Variants in SYAP1 observed in about 807,000 individuals in gnomAD.
SYAP1 encodes synapse-associated protein 1.
In SYAP1, 3 loss-of-function variants were observed where a neutral mutation model predicts 29.6. That is an observed-to-expected ratio of 0.10 (90% CI 0.05 to 0.26). The LOEUF (loss-of-function observed/expected upper bound fraction) is 0.26. Ranked by LOEUF, SYAP1 falls within the 10% of genes least tolerant of loss-of-function variation. The pLI is 1.00. For synonymous variants in SYAP1, 102 were observed against 102.7 expected (o/e 0.99, Z 0.04); for missense variants, 217 against 264.1 (o/e 0.82, Z 1.24).
Position 16,760,147 on chromosome X carries a change from C to T in SYAP1, c.932-85C>T, listed in dbSNP as rs752875599. On this transcript the variant is annotated intron_variant, in intron 8 of 8. Coordinates refer to ENST00000380155, the MANE Select transcript of SYAP1 (RefSeq NM_032796.4). ...AAAAATTACAGCAGCTAGGACTTTA[C>T]GTAGGTAATTGAGATGGACCGAATT... is the stretch of plus-strand genomic sequence containing the variant. The T allele has an allele frequency of 3.5e-5, 34 of 960,178 alleles. 2 individuals are homozygous for T. In the South Asian group the frequency reaches 4.5e-4, roughly 13 times the overall value. The allele number at this position is 960,178 out of a possible 1,213,427, so 79.1% of individuals were successfully genotyped here. A position where few individuals can be genotyped will look rare whatever the true frequency, so the allele number is the denominator to read the frequency against.
intron 5 of SYAP1, among the ~76,000 whole-genome samples, chrX:16,750,989 A>G (rs1926717486): frequency 9.4e-6 from 1 of 106,805 alleles, no homozygotes. Context: ...CTGGTCTCGA[A>G]CTCCTGACCT....
chrX:16,749,643 C>T (rs577766376), intron 5 of SYAP1, among the ~76,000 whole-genome samples: 6 of 110,988 alleles, frequency 5.4e-5, no homozygotes, highest in South Asian at 3.8e-4. Flanking sequence ...AGGCCAGGCG[C>T]GGTGGCTCAC....
chrX:16,755,411 C>T (rs1368257772), intron 6 of SYAP1, among the ~76,000 whole-genome samples: 1 of 110,079 alleles, frequency 9.1e-6, no homozygotes, highest in Non-Finnish European at 1.9e-5. Flanking sequence ...CCTGCCTCAG[C>T]TTCCCAAGTA....
intron 3 of SYAP1, among the ~76,000 whole-genome samples, chrX:16,739,252 C>A (rs996419201): frequency 1.1e-4 from 12 of 110,818 alleles, no homozygotes; most frequent in African/African-American, 3.9e-4. Context: ...TTGGGATAAG[C>A]CAAAGAATGA....
intron 5 of SYAP1, among the ~76,000 whole-genome samples, chrX:16,751,700 C>T (rs1197387416): frequency 1.1e-5 from 1 of 92,737 alleles, no homozygotes; most frequent in East Asian, 3.4e-4. Flanking sequence ...TTTTTTGATA[C>T]GGAGTTTCGC....
intron 1 of SYAP1, among the ~76,000 whole-genome samples, chrX:16,727,258 T>A (rs187573209): frequency 1.8e-3 from 177 of 96,020 alleles, no homozygotes; most frequent in African/African-American, 6.9e-3. Flanking sequence ...AAAATTTTTT[T>A]ATTTAATATA....
Position 16,755,014 on chromosome X carries a change from C to G in SYAP1, c.645C>G (p.Leu215=). The G allele has an allele frequency of 8.3e-7, 1 of 1,211,041 alleles. No homozygotes were observed. The highest frequency in any genetic ancestry group is 1.1e-6 in the Non-Finnish European group (1 of 894,760). The part of the protein sequence containing the change: ...RVSLIKQSAQ[L]TALAAQQQAA... ...CCCTGATTAAGCAGTCAGCCCAGCT[C>G]ACGGCCCTGGCTGCCCAACAGCAGG... The change falls in exon 6 of 9, where the codon CTC becomes CTG. Residue 215 remains leucine (L), a synonymous_variant. Transcript: ENST00000380155.
chrX:16,763,700 A>G lies in SYAP1; in HGVS notation c.*3341A>G, dbSNP rs1927033518. 1 of 111,168 alleles carries G rather than the reference A, an allele frequency of 9.0e-6. No individual in the cohort carries two copies. The highest frequency in any genetic ancestry group is 3.3e-5 in the African/African-American group (1 of 30,597). 9.2% of individuals were successfully genotyped at this position (111,168 alleles called of 1,213,427 possible). ...TAGAGAAACATTGTTTCAGAGATAA[A>G]GCAGCAATTACACTTGTACTCCCAG... On this transcript the variant is annotated 3_prime_UTR_variant, in exon 9 of 9. Coordinates refer to ENST00000380155, the MANE Select transcript of SYAP1 (RefSeq NM_032796.4).
chrX:16,756,418 C>A (rs1926842135), intron 6 of SYAP1, among the ~76,000 whole-genome samples: 2 of 111,198 alleles, frequency 1.8e-5, no homozygotes, highest in Admixed American at 1.9e-4. Context: ...CATAGTGACA[C>A]CCCATGTCTA....
chrX:16,742,960 C>G (rs1371816822), intron 4 of SYAP1, among the ~76,000 whole-genome samples: 1 of 96,825 alleles, frequency 1.0e-5, no homozygotes, highest in Non-Finnish European at 2.0e-5. Flanking sequence ...TCTCACTGCA[C>G]TCCTGCTGGT....
chrX:16,720,310 C>T (rs1231749088), intron 1 of SYAP1, among the ~76,000 whole-genome samples: 1 of 112,241 alleles, frequency 8.9e-6, no homozygotes, highest in African/African-American at 3.2e-5. Flanking sequence ...GCCCCTAGGT[C>T]AGAACGTGTT....
intron 1 of SYAP1, among the ~76,000 whole-genome samples, chrX:16,728,540 C>G (rs1384035993): frequency 9.1e-6 from 1 of 110,487 alleles, no homozygotes; most frequent in Non-Finnish European, 1.9e-5. Context: ...TGGCGGGTAC[C>G]TGTAATCCCA....
chrX:16,727,052 G>A (rs1926095021), intron 1 of SYAP1, among the ~76,000 whole-genome samples: 1 of 110,232 alleles, frequency 9.1e-6, no homozygotes, highest in African/African-American at 3.3e-5. Flanking sequence ...CCAAACTGTG[G>A]AAAAAAATAA....
At chrX:16,722,106 T>C (rs937412319) in intron 1 of SYAP1, among the ~76,000 whole-genome samples, 1 of 112,566 alleles carries the variant, frequency 8.9e-6, no homozygotes, top group African/African-American at 3.2e-5. Context: ...AGATATTTTT[T>C]ATTTCTACAT....
At chrX:16,741,153 G>C (rs756784288) in intron 3 of SYAP1, among the ~76,000 whole-genome samples, 1 of 110,545 alleles carries the variant, frequency 9.0e-6, no homozygotes, top group African/African-American at 3.3e-5. Context: ...ACCTGATTAA[G>C]GAGTTGTCCA....
intron 1 of SYAP1, among the ~76,000 whole-genome samples, chrX:16,727,698 A>G (rs1317103435): frequency 1.8e-5 from 2 of 110,361 alleles, no homozygotes; most frequent in Non-Finnish European, 3.8e-5. Context: ...TGAAATACCT[A>G]TGACTTGGGT....
intron 1 of SYAP1, among the ~76,000 whole-genome samples, chrX:16,726,724 G>C (rs1325464962): frequency 9.0e-6 from 1 of 111,318 alleles, no homozygotes; most frequent in African/African-American, 3.3e-5. Flanking sequence ...TGCTTAGAGG[G>C]GCTCATCATT....
At chrX:16,733,859 G>C (rs1926264203) in intron 1 of SYAP1, among the ~76,000 whole-genome samples, 1 of 109,314 alleles carries the variant, frequency 9.1e-6, no homozygotes, top group African/African-American at 3.3e-5. Flanking sequence ...GTAGAGACGG[G>C]GTTTCACCAT....
chrX:16,733,972 A>G (rs1373593835), intron 1 of SYAP1, among the ~76,000 whole-genome samples: 2 of 111,407 alleles, frequency 1.8e-5, no homozygotes, highest in Middle Eastern at 4.3e-3. Context: ...ACCTTGACAC[A>G]TGTCTTTTCA....
Sources: allele counts gnomAD v4.1 joint callset (sites outside exome capture counted in the v4.1 genomes callset), GRCh38; gene constraint gnomAD v4.1.1; transcripts MANE v1.5; gene names NCBI Gene and HGNC (gene_info 2026-07-23, HGNC 2026-07-21).